The following UGT1A10 variants were observed in gnomAD, a reference collection of about 807,000 sequenced individuals.
UGT1A10 encodes UDP-glucuronosyltransferase 1A10.
A neutral mutation model predicts 45.8 loss-of-function variants in UGT1A10; 49 were observed. The ratio of observed to expected loss-of-function variants is 1.07; its 90% CI spans 0.85 to 1.36. The LOEUF is 1.36. Among genes scored for constraint, UGT1A10 ranks in the 40% most tolerant of loss-of-function variants. UGT1A10 has a pLI of 0.00. For missense variants in UGT1A10, 745 were observed against 668.6 expected, an observed-to-expected ratio of 1.11 and a Z score of -1.26; for synonymous variants, 284 against 249.7, an observed-to-expected ratio of 1.14 and a Z score of -1.29.
intron 1 of UGT1A10, among the ~76,000 whole-genome samples, chr2:233,684,485 G>A (rs1229597052): frequency 1.3e-5 from 2 of 151,942 alleles, no homozygotes; most frequent in Non-Finnish European, 2.9e-5. Context: ...TGGCTCAAAG[G>A]GTCACCCAAA....
chr2:233,726,165 C>CA (rs1281871437), intron 1 of UGT1A10, among the ~76,000 whole-genome samples: 1 of 151,994 alleles, frequency 6.6e-6, no homozygotes, highest in Non-Finnish European at 1.5e-5. Context: ...GGCCCCATTT[C>CA]AAAAAAATAA....
At chr2:233,748,103 A>G in intron 1 of UGT1A10, 1 of 1,612,606 alleles carries the variant, frequency 6.2e-7, no homozygotes, top group Non-Finnish European at 8.5e-7. Context: ...CCTTCATCCA[A>G]TCAATGTTCC....
At chr2:233,740,532 G>A (rs1691412660) in intron 1 of UGT1A10, among the ~76,000 whole-genome samples, 1 of 151,892 alleles carries the variant, frequency 6.6e-6, no homozygotes. Context: ...AATCAGCTGT[G>A]TTGAACTCCA....
chr2:233,761,438 A>G (rs1335864417), intron 1 of UGT1A10, among the ~76,000 whole-genome samples: 1 of 152,232 alleles, frequency 6.6e-6, no homozygotes, highest in East Asian at 1.9e-4. Flanking sequence ...CCATAGGCAC[A>G]GAATGCTGGG....
At chr2:233,771,815 C>T in intron 4 of UGT1A10, among the ~76,000 whole-genome samples, 1 of 135,588 alleles carries the variant, frequency 7.4e-6, no homozygotes, top group Admixed American at 7.6e-5. Flanking sequence ...TTCCTCCTTT[C>T]CTTGCTTCCT....
At chr2:233,743,990 C>G (rs541433916) in intron 1 of UGT1A10, 2 of 1,267,322 alleles carry the variant, frequency 1.6e-6, no homozygotes, top group South Asian at 2.6e-5. Context: ...GGCGCAGGCC[C>G]GAGTGCTCGG....
rs574685315 is a variant in UGT1A10 at position 233,731,448 on chromosome 2, A to C, written c.856-35586A>C. Among the ~76,000 whole-genome samples, 490 of 151,900 alleles carry C rather than the reference A, an allele frequency of 3.2e-3. 2 individuals carry two copies. The highest frequency in any genetic ancestry group is 0.01 in the African/African-American group (431 of 41,418). Reference sequence around the variant, plus strand: ...CATCCCTCCCCCAGTCCCCCACCCCACAACAGGCCCTGGCGTGTGATGTTC... The same window carrying C: ...CATCCCTCCCCCAGTCCCCCACCCCCCAACAGGCCCTGGCGTGTGATGTTC... On this transcript the variant is annotated intron_variant, in intron 1 of 4. Coordinates refer to ENST00000344644, the MANE Select transcript of UGT1A10 (RefSeq NM_019075.4).
intron 1 of UGT1A10, among the ~76,000 whole-genome samples, chr2:233,762,717 GTTT>G (rs34681509): frequency 7.1e-6 from 1 of 141,162 alleles, no homozygotes. Context: ...ATTTTACACG[GTTT>G]TTTTTTTTTG....
chr2:233,745,503 T>C (rs1023645979), intron 1 of UGT1A10, among the ~76,000 whole-genome samples: 6 of 151,616 alleles, frequency 4.0e-5, no homozygotes, highest in Admixed American at 6.6e-5. Flanking sequence ...AGATTTCCTA[T>C]AGGGTATTAG....
At chr2:233,741,320 T>C (rs968198595) in intron 1 of UGT1A10, among the ~76,000 whole-genome samples, 12 of 151,906 alleles carry the variant, frequency 7.9e-5, no homozygotes, top group African/African-American at 2.9e-4. Flanking sequence ...CAACTCATTC[T>C]ACTCTACCCA....
intron 1 of UGT1A10, among the ~76,000 whole-genome samples, chr2:233,646,795 T>G (rs1268357031): frequency 2.0e-5 from 3 of 152,192 alleles, no homozygotes; most frequent in Admixed American, 2.0e-4. Flanking sequence ...CCTGTCTTCT[T>G]CTGAGCCCTC....
chr2:233,713,753 G>T (rs764408773), intron 1 of UGT1A10: 4 of 1,613,952 alleles, frequency 2.5e-6, no homozygotes, highest in East Asian at 2.2e-5. Flanking sequence ...ATGCATCTGT[G>T]TGGCTGTTCC....
intron 1 of UGT1A10, among the ~76,000 whole-genome samples, chr2:233,737,465 G>A (rs1434915889): frequency 6.6e-6 from 1 of 152,178 alleles, no homozygotes; most frequent in African/African-American, 2.4e-5. Context: ...AGTCTGTCAT[G>A]GCTCCCCTTG....
intron 1 of UGT1A10, among the ~76,000 whole-genome samples, chr2:233,656,989 C>T (rs1400824951): frequency 1.3e-5 from 2 of 151,912 alleles, no homozygotes; most frequent in East Asian, 1.9e-4. Flanking sequence ...CCTCCGCCTG[C>T]GTTAGGACCT....
intron 1 of UGT1A10, among the ~76,000 whole-genome samples, chr2:233,660,790 T>A (rs1197605089): frequency 1.3e-5 from 2 of 152,146 alleles, no homozygotes; most frequent in Non-Finnish European, 2.9e-5. Flanking sequence ...AAAAACTGGC[T>A]CAGGCAGATA....
At chr2:233,741,258 T>C (rs1466161832) in intron 1 of UGT1A10, among the ~76,000 whole-genome samples, 3 of 151,876 alleles carry the variant, frequency 2.0e-5, no homozygotes, top group African/African-American at 7.3e-5. Context: ...ATGCCACTCT[T>C]TGCTGACCAC....
chr2:233,753,588 C>T (rs1263475788), intron 1 of UGT1A10: 2 of 152,166 alleles, frequency 1.3e-5, no homozygotes, highest in African/African-American at 4.8e-5. Flanking sequence ...TGGACTACCC[C>T]AAGGCAATAT....
chr2:233,699,672 C>T (rs1248464548), intron 1 of UGT1A10, among the ~76,000 whole-genome samples: 3 of 152,188 alleles, frequency 2.0e-5, no homozygotes, highest in Non-Finnish European at 4.4e-5. Context: ...GAAACTTTCT[C>T]GCTGAGAGGT....
intron 1 of UGT1A10, among the ~76,000 whole-genome samples, chr2:233,655,975 G>C (rs2073845436): frequency 6.6e-6 from 1 of 152,074 alleles, no homozygotes. Context: ...TCTTGGAAAA[G>C]GTTACAACCT....
Sources: gnomAD v4.1 joint callset for allele counts (sites outside exome capture counted in the v4.1 genomes callset) on GRCh38, gnomAD v4.1.1 for gene constraint, MANE v1.5 for transcripts, NCBI Gene and HGNC (gene_info 2026-07-23, HGNC 2026-07-21) for gene names.